Variants in LSAMP observed in about 807,000 individuals in gnomAD.
LSAMP encodes the protein limbic system associated membrane protein.
Under a neutral mutation model 38.6 loss-of-function variants are expected in LSAMP, and 7 were observed. The observed-to-expected ratio is 0.18, with a 90% CI of 0.10 to 0.34. LSAMP has a LOEUF of 0.34. LSAMP is among the 10% of genes least tolerant of loss of function. The pLI is 1.00. For synonymous variants in LSAMP, 154 were observed against 166.8 expected, an observed-to-expected ratio of 0.92 and a Z score of 0.59; for missense variants, 313 against 420.0, an observed-to-expected ratio of 0.75 and a Z score of 2.23.
chr3:116,096,557 C>T (rs78933168), intron 1 of LSAMP, among the ~76,000 whole-genome samples: 3,014 of 152,298 alleles, frequency 0.02, 42 homozygotes, highest in Middle Eastern at 0.031. Context: ...AATTGAGGCT[C>T]TAATGCCATC....
rs1231236087 is a variant in LSAMP, at chr3:116,064,213, C to T, written c.388+22111G>A. 3.9e-5 allele frequency among the ~76,000 whole-genome samples: 6 copies of T among 152,152 alleles called. No individual in the cohort carries two copies. In the South Asian group the frequency reaches 8.3e-4, roughly 21 times the overall value. ...AGAAACACAGAAAATGATTTTGTAC[C>T]GTTTTTCTTCTCTATGGAAAGTCAG... On this transcript the variant is annotated intron_variant, in intron 2 of 6. Transcript: ENST00000490035.
chr3:115,979,213 A>AG (rs1483882853), intron 3 of LSAMP, among the ~76,000 whole-genome samples: 7 of 152,046 alleles, frequency 4.6e-5, no homozygotes, highest in Non-Finnish European at 8.8e-5. Flanking sequence ...AAGAAAAAAA[A>AG]CAGAATAAGT....
At chr3:116,218,919 G>T (rs1486480651) in intron 1 of LSAMP, among the ~76,000 whole-genome samples, 1 of 152,160 alleles carries the variant, frequency 6.6e-6, no homozygotes, top group Admixed American at 6.5e-5. Flanking sequence ...TTGAACCCAA[G>T]TACAAAAGAA....
intron 1 of LSAMP, among the ~76,000 whole-genome samples, chr3:116,132,569 T>G (rs1709159044): frequency 6.6e-6 from 1 of 152,228 alleles, no homozygotes; most frequent in Non-Finnish European, 1.5e-5. Flanking sequence ...GAACTTCTCA[T>G]GAATGAAAAG....
chr3:116,176,550 G>T (rs989339857), intron 1 of LSAMP, among the ~76,000 whole-genome samples: 2 of 152,212 alleles, frequency 1.3e-5, no homozygotes, highest in African/African-American at 4.8e-5. Flanking sequence ...GGCAACCAAA[G>T]GTTCTTTGTT....
At chr3:116,165,667 T>C (rs1710032978) in intron 1 of LSAMP, among the ~76,000 whole-genome samples, 1 of 152,198 alleles carries the variant, frequency 6.6e-6, no homozygotes. Flanking sequence ...ATAGATTGTG[T>C]TTAATTATGA....
intron 3 of LSAMP, among the ~76,000 whole-genome samples, chr3:116,000,075 T>A (rs1355101735): frequency 6.6e-6 from 1 of 152,206 alleles, no homozygotes; most frequent in Non-Finnish European, 1.5e-5. Flanking sequence ...CAATGGTTTC[T>A]GGACTCAGAT....
At chr3:115,860,121 A>T (rs1935631620) in intron 3 of LSAMP, among the ~76,000 whole-genome samples, 1 of 152,250 alleles carries the variant, frequency 6.6e-6, no homozygotes, top group African/African-American at 2.4e-5. Context: ...TTTAAGAAAT[A>T]TTGTAGAGTG....
At chr3:116,407,518 G>A (rs2107834220) in intron 1 of LSAMP, among the ~76,000 whole-genome samples, 1 of 152,080 alleles carries the variant, frequency 6.6e-6, no homozygotes, top group African/African-American at 2.4e-5. Context: ...TCATCTTCAG[G>A]CCTTTGCAAG....
At chr3:116,207,836 C>T (rs2046092117) in intron 1 of LSAMP, among the ~76,000 whole-genome samples, 2 of 152,164 alleles carry the variant, frequency 1.3e-5, no homozygotes, top group Non-Finnish European at 2.9e-5. Context: ...CTGCCCTTAA[C>T]ATTTTTTCAT....
intron 3 of LSAMP, among the ~76,000 whole-genome samples, chr3:115,891,726 T>A (rs1936605257): frequency 6.6e-6 from 1 of 151,984 alleles, no homozygotes; most frequent in Non-Finnish European, 1.5e-5. Context: ...CAGAGTTTTG[T>A]AAATTTTGCA....
At chr3:116,214,041 A>G (rs576496817) in intron 1 of LSAMP, among the ~76,000 whole-genome samples, 25 of 152,348 alleles carry the variant, frequency 1.6e-4, no homozygotes, top group African/African-American at 5.3e-4. Flanking sequence ...CTATTGAAAG[A>G]TATCTCATGT....
intron 3 of LSAMP, among the ~76,000 whole-genome samples, chr3:116,019,187 G>T (rs1396753529): frequency 6.7e-6 from 1 of 148,396 alleles, no homozygotes; most frequent in Non-Finnish European, 1.5e-5. Flanking sequence ...TATTGAAACT[G>T]AAATTTTACA....
intron 2 of LSAMP, among the ~76,000 whole-genome samples, chr3:116,028,729 T>C (rs943833695): frequency 7.2e-5 from 11 of 152,142 alleles, no homozygotes; most frequent in Admixed American, 7.2e-4. Context: ...GATAACATGG[T>C]AAAATAGCCT....
At chr3:115,918,985 C>A (rs998425890) in intron 3 of LSAMP, among the ~76,000 whole-genome samples, 4 of 152,182 alleles carry the variant, frequency 2.6e-5, no homozygotes, top group Non-Finnish European at 5.9e-5. Context: ...AATGGACTCA[C>A]ACCTCTAATC....
intron 1 of LSAMP, among the ~76,000 whole-genome samples, chr3:116,105,568 T>C (rs1481719801): frequency 6.6e-6 from 1 of 151,870 alleles, no homozygotes; most frequent in Non-Finnish European, 1.5e-5. Flanking sequence ...GGTCACAAGG[T>C]GCTCAGTGGG....
intron 3 of LSAMP, among the ~76,000 whole-genome samples, chr3:115,985,935 T>C (rs970355610): frequency 6.6e-6 from 1 of 152,132 alleles, no homozygotes; most frequent in Admixed American, 6.6e-5. Context: ...AGATAATAAA[T>C]GTTTGTTGTT....
intron 1 of LSAMP, among the ~76,000 whole-genome samples, chr3:116,414,761 A>G (rs1395075296): frequency 6.6e-6 from 1 of 152,158 alleles, no homozygotes; most frequent in Non-Finnish European, 1.5e-5. Context: ...GACTTTTTGC[A>G]TCTGCACTGC....
At chr3:115,887,612 G>A (rs1936488991) in intron 3 of LSAMP, among the ~76,000 whole-genome samples, 1 of 151,944 alleles carries the variant, frequency 6.6e-6, no homozygotes. Flanking sequence ...TTGGGGTACA[G>A]AGATAAGATG....
Sources: gnomAD v4.1 joint callset for allele counts (sites outside exome capture counted in the v4.1 genomes callset) on GRCh38, gnomAD v4.1.1 for gene constraint, MANE v1.5 for transcripts, NCBI Gene and HGNC (gene_info 2026-07-23, HGNC 2026-07-21) for gene names.